Variants in CNTNAP2 observed in about 807,000 individuals in gnomAD.
CNTNAP2 encodes contactin associated protein 2.
In CNTNAP2, 98 loss-of-function variants were observed where a neutral mutation model predicts 155.2. That is an observed-to-expected ratio of 0.63 (90% CI 0.54 to 0.75). The LOEUF (loss-of-function observed/expected upper bound fraction) is 0.75, where lower values mean the gene tolerates loss of function less well. Ranked by LOEUF, CNTNAP2 falls within the 30% of genes least tolerant of loss-of-function variation. The pLI is 0.00. For synonymous variants in CNTNAP2, 651 were observed against 631.2 expected, an observed-to-expected ratio of 1.03 and a Z score of -0.47; for missense variants, 1,727 against 1,688.1, an observed-to-expected ratio of 1.02 and a Z score of -0.40.
At chr7:146,793,224 A>G (rs776982609) in intron 2 of CNTNAP2, among the ~76,000 whole-genome samples, 2 of 152,226 alleles carry the variant, frequency 1.3e-5, no homozygotes, top group Non-Finnish European at 2.9e-5. Context: ...TGGTTTAAAC[A>G]CTGGACTCAC....
chr7:146,156,006 C>A (rs986296202), intron 1 of CNTNAP2, among the ~76,000 whole-genome samples: 4 of 151,838 alleles, frequency 2.6e-5, no homozygotes, highest in Non-Finnish European at 5.9e-5. Context: ...ACTTGGGCGA[C>A]AATATCATTA....
rs141070845 is a variant in CNTNAP2 at position 147,611,414 on chromosome 7, C to T, written c.1898-27692C>T. On this transcript the variant is annotated intron_variant, in intron 12 of 23. Transcript: ENST00000361727. ...AGGGAAGATTAGCTTGTCTAAGTAT[C>T]GATGTAAATGTAGTCAGTAACTCTA... Among the ~76,000 whole-genome samples, 358 of 152,198 alleles carry T rather than the reference C, an allele frequency of 2.4e-3. 3 individuals carry two copies. The highest frequency in any genetic ancestry group is 0.018 in the Admixed American group (275 of 15,290).
chr7:146,904,789 C>T (rs1267078915), intron 3 of CNTNAP2, among the ~76,000 whole-genome samples: 1 of 152,138 alleles, frequency 6.6e-6, no homozygotes, highest in East Asian at 1.9e-4. Flanking sequence ...ATCTTTTGAG[C>T]ATGGGGCTCA....
chr7:147,811,388 A>G (rs1001343548), intron 13 of CNTNAP2, among the ~76,000 whole-genome samples: 14 of 152,264 alleles, frequency 9.2e-5, no homozygotes, highest in African/African-American at 3.4e-4. Context: ...ATGAGCCACC[A>G]TGCCCAGCCT....
intron 8 of CNTNAP2, among the ~76,000 whole-genome samples, chr7:147,256,156 A>T (rs913739408): frequency 6.6e-6 from 1 of 152,212 alleles, no homozygotes; most frequent in South Asian, 2.1e-4. Context: ...AGTGAGGAAG[A>T]CTGGGTCATA....
chr7:146,958,279 C>T (rs763289381), intron 3 of CNTNAP2, among the ~76,000 whole-genome samples: 7 of 151,948 alleles, frequency 4.6e-5, no homozygotes, highest in East Asian at 1.9e-4. Flanking sequence ...AGGCAGTGAG[C>T]AATAGCATGT....
chr7:147,749,337 T>C lies in CNTNAP2; in HGVS notation c.2098+110031T>C, dbSNP rs115451025. On this transcript the variant is annotated intron_variant, in intron 13 of 23. Transcript: ENST00000361727. ...AATAACAGCTCATCTAATGGATGTGTCGTAGTCCATAATCAATGTCTGTTT... is the reference window on the plus strand; with the variant it reads ...AATAACAGCTCATCTAATGGATGTGCCGTAGTCCATAATCAATGTCTGTTT... Among the ~76,000 whole-genome samples the C allele has an allele frequency of 6.1e-3, 925 of 152,306 alleles. 4 individuals carry two copies. The highest frequency in any genetic ancestry group is 0.021 in the African/African-American group (881 of 41,564).
chr7:146,721,889 A>ATATATATATATATATTTTTTT, intron 1 of CNTNAP2, among the ~76,000 whole-genome samples: 1 of 69,708 alleles, frequency 1.4e-5, no homozygotes, highest in African/African-American at 1.9e-4. Flanking sequence ...ATATATATAT[A>ATATATATATATATATTTTTTT]TTTTTTTTTT....
intron 12 of CNTNAP2, among the ~76,000 whole-genome samples, chr7:147,630,181 T>C (rs184710860): frequency 6.6e-6 from 1 of 151,898 alleles, no homozygotes; most frequent in East Asian, 1.9e-4. Flanking sequence ...TCAAGGCTAC[T>C]ATGAACACAT....
intron 13 of CNTNAP2, among the ~76,000 whole-genome samples, chr7:147,891,896 A>G (rs1799701625): frequency 6.6e-6 from 1 of 152,224 alleles, no homozygotes; most frequent in Non-Finnish European, 1.5e-5. Flanking sequence ...TCATTCATGA[A>G]TACAGTGGCA....
At chr7:147,191,089 C>T (rs1322077367) in intron 8 of CNTNAP2, among the ~76,000 whole-genome samples, 1 of 151,944 alleles carries the variant, frequency 6.6e-6, no homozygotes, top group Non-Finnish European at 1.5e-5. Context: ...AATGACTCAC[C>T]ATGTACAGTC....
At chr7:148,035,892 T>A (rs1003740051) in intron 15 of CNTNAP2, among the ~76,000 whole-genome samples, 1 of 152,204 alleles carries the variant, frequency 6.6e-6, no homozygotes, top group Non-Finnish European at 1.5e-5. Flanking sequence ...TCAACTCCAG[T>A]GTGTTCAGCA....
chr7:147,936,302 T>TTA (rs1554451861), intron 14 of CNTNAP2, among the ~76,000 whole-genome samples: 7 of 104,508 alleles, frequency 6.7e-5, no homozygotes, highest in Admixed American at 3.7e-4. Context: ...TTTATTTTAT[T>TTA]TTTTTTTTTT....
chr7:146,819,538 G>A (rs973664805), intron 2 of CNTNAP2, among the ~76,000 whole-genome samples: 2 of 151,826 alleles, frequency 1.3e-5, no homozygotes, highest in African/African-American at 2.4e-5. Flanking sequence ...TCAAGTCTTG[G>A]ACAGCACTTC....
At chr7:146,208,502 T>A (rs897033938) in intron 1 of CNTNAP2, among the ~76,000 whole-genome samples, 7 of 149,892 alleles carry the variant, frequency 4.7e-5, no homozygotes, top group Non-Finnish European at 7.4e-5. Flanking sequence ...TGCTGATTAA[T>A]AAATCAATAA....
chr7:147,298,488 C>A (rs1794878979), intron 8 of CNTNAP2, among the ~76,000 whole-genome samples: 1 of 150,776 alleles, frequency 6.6e-6, no homozygotes, highest in African/African-American at 2.4e-5. Flanking sequence ...AAAAAAAACC[C>A]ACAAAACCCT....
intron 16 of CNTNAP2, among the ~76,000 whole-genome samples, chr7:148,120,920 TAAG>T (rs1804582180): frequency 6.6e-6 from 1 of 152,194 alleles, no homozygotes; most frequent in African/African-American, 2.4e-5. Context: ...CTTCTGTATT[TAAG>T]AAAAACTACA....
intron 13 of CNTNAP2, among the ~76,000 whole-genome samples, chr7:147,758,688 T>A (rs1797253577): frequency 6.6e-6 from 1 of 151,930 alleles, no homozygotes; most frequent in South Asian, 2.1e-4. Context: ...TACAAAAAAA[T>A]ACAAAAATTA....
At chr7:146,392,156 G>A (rs941265483) in intron 1 of CNTNAP2, among the ~76,000 whole-genome samples, 2 of 151,960 alleles carry the variant, frequency 1.3e-5, no homozygotes, top group African/African-American at 4.8e-5. Context: ...CTTGGAGATT[G>A]GTGTATGCCT....
Sources: allele counts gnomAD v4.1 joint callset (sites outside exome capture counted in the v4.1 genomes callset), GRCh38; gene constraint gnomAD v4.1.1; transcripts MANE v1.5; gene names NCBI Gene and HGNC (gene_info 2026-07-23, HGNC 2026-07-21).